The following MSMO1 variants were observed in gnomAD, a reference collection of about 807,000 sequenced individuals.
The protein encoded by MSMO1 is C-4 methylsterol oxidase.
In MSMO1, 18 loss-of-function variants were observed where a neutral mutation model predicts 30.4. The observed-to-expected ratio is 0.59, with a 90% confidence interval of 0.41 to 0.88. MSMO1 has a LOEUF of 0.88. MSMO1 is among the 40% of genes least tolerant of loss of function. The pLI is 0.00. For missense variants in MSMO1, 284 were observed against 340.5 expected (o/e 0.83, Z 1.31); for synonymous variants, 84 against 107.9 (o/e 0.78, Z 1.37).
At position 165,340,219 on chromosome 4, in the gene MSMO1, A is replaced by G. The variant is rs1256912105; in HGVS notation, c.532-2A>G. The G allele has an allele frequency of 6.2e-7, 1 of 1,613,380 alleles. No homozygotes were observed. The highest frequency in any genetic ancestry group is 8.5e-7 in the Non-Finnish European group (1 of 1,179,778). ...TAAGAATTTCTTATCTGTTTGTCTT[A>G]GGCTCCATTTGGAATGGAAGCTGAA... On this transcript the variant is annotated splice_acceptor_variant, in intron 4 of 5. Transcript: ENST00000261507. LOFTEE classifies it high-confidence loss of function.
chr4:165,334,909 C>CAACT (rs985817399), intron 2 of MSMO1, among the ~76,000 whole-genome samples: 1 of 152,140 alleles, frequency 6.6e-6, no homozygotes, highest in African/African-American at 2.4e-5. Context: ...TGGATCCAAC[C>CAACT]AACTGCAGAT....
chr4:165,329,526 A>G (rs1443803906), intron 1 of MSMO1, among the ~76,000 whole-genome samples: 4 of 146,874 alleles, frequency 2.7e-5, no homozygotes, highest in African/African-American at 1.0e-4. Context: ...GAAAGGCGGT[A>G]TTTCAAGAAG....
chr4:165,332,422 T>C (rs988385778), intron 1 of MSMO1, among the ~76,000 whole-genome samples: 1 of 152,246 alleles, frequency 6.6e-6, no homozygotes, highest in African/African-American at 2.4e-5. Flanking sequence ...GTTTTGCTTT[T>C]ATTTTTTCCT....
rs1222483698 is a variant in MSMO1, at chr4:165,341,862, A to G, written c.798A>G (p.Thr266=). 1.9e-6 allele frequency: 3 copies of G among 1,613,300 alleles called. No individual in the cohort carries two copies. The highest frequency in any genetic ancestry group is 8.5e-7 in the Non-Finnish European group (1 of 1,179,470). The change falls in exon 6 of 6, where the codon ACA becomes ACG. Residue 266 remains threonine (T), a synonymous_variant. Transcript: ENST00000261507. The part of the protein sequence containing the change: ...NFIGNYASTF[T]WWDRIFGTDS... ...TTGGAAACTATGCTTCAACATTTAC[A>G]TGGTGGGATCGAATTTTTGGAACAG...
intron 4 of MSMO1, among the ~76,000 whole-genome samples, chr4:165,339,095 G>GTTTTTTTT (rs1747642659): frequency 2.8e-5 from 1 of 36,272 alleles, no homozygotes; most frequent in Non-Finnish European, 5.2e-5. Context: ...TATGAGCACT[G>GTTTTTTTT]CTTTTTTTTT....
intron 2 of MSMO1, among the ~76,000 whole-genome samples, chr4:165,337,452 A>G (rs753967168): frequency 4.9e-4 from 75 of 152,228 alleles, no homozygotes; most frequent in Admixed American, 9.2e-4. Context: ...ACCCAACAGT[A>G]ATCTTAGCAT....
In MSMO1 at chr4:165,337,831, G is replaced by C; in HGVS notation, c.298G>C (p.Val100Leu). ...GGAAAACCAATGGAAGTGTTTCAAA[G>C]TTCTTCTCTTTAATCACTTCTGTAT... is the stretch of plus-strand genomic sequence containing the variant. Reference protein sequence around the residue: ...TWENQWKCFKVLLFNHFCIQL... With the variant: ...TWENQWKCFKLLLFNHFCIQL... Residue 100 changes from valine to leucine, a missense_variant, in exon 3 of 6, where the codon GTT (valine) becomes CTT (leucine). Val to Leu is a conservative substitution (Grantham distance 32). Coordinates refer to ENST00000261507, the MANE Select transcript of MSMO1 (RefSeq NM_006745.5). 6.2e-7 allele frequency: 1 copy of C among 1,613,530 alleles called. No homozygotes were observed. Among genetic ancestry groups the C allele is most frequent in the Non-Finnish European group, 8.5e-7 (1 of 1,179,676 alleles).
intron 3 of MSMO1, 27 bp downstream of exon 3, chr4:165,337,964 C>T (rs1414666679): frequency 1.2e-6 from 2 of 1,606,916 alleles, no homozygotes; most frequent in African/African-American, 2.7e-5. Flanking sequence ...TTGGCTTTTA[C>T]ACCCAATTGT....
At chr4:165,328,287 T>A (rs1485665704) in intron 1 of MSMO1, among the ~76,000 whole-genome samples, 4 of 152,056 alleles carry the variant, frequency 2.6e-5, no homozygotes, top group African/African-American at 9.7e-5. Context: ...GATCAGATAC[T>A]GCAAAAATGT....
intron 1 of MSMO1, among the ~76,000 whole-genome samples, chr4:165,330,108 G>A (rs1017914865): frequency 1.3e-5 from 2 of 152,150 alleles, no homozygotes; most frequent in African/African-American, 4.8e-5. Context: ...TACTTATTAT[G>A]GGTTTTATTT....
At chr4:165,332,960 T>C (rs1747440336) in intron 1 of MSMO1, among the ~76,000 whole-genome samples, 2 of 152,324 alleles carry the variant, frequency 1.3e-5, no homozygotes, top group African/African-American at 2.4e-5. Flanking sequence ...GCTTTTTCTT[T>C]ATAGGTTCTT....
chr4:165,333,295 G>T, intron 1 of MSMO1, 45 bp from the exon 2 acceptor site: 3 of 1,471,238 alleles, frequency 2.0e-6, no homozygotes, highest in Non-Finnish European at 2.8e-6. Context: ...TTTATTTTTT[G>T]AAAGCTCATT....
intron 1 of MSMO1, chr4:165,328,170 G>C (rs1275696221): frequency 6.6e-6 from 1 of 152,288 alleles, no homozygotes; most frequent in East Asian, 1.9e-4. Flanking sequence ...AAGGGCGTCC[G>C]AGAGGAGGTT....
intron 1 of MSMO1, among the ~76,000 whole-genome samples, chr4:165,331,085 C>G (rs1747376001): frequency 6.6e-6 from 1 of 152,110 alleles, no homozygotes; most frequent in South Asian, 2.1e-4. Context: ...GGGAGGATTA[C>G]TTGAGCCTAG....
intron 2 of MSMO1, among the ~76,000 whole-genome samples, chr4:165,336,148 C>A (rs1402329844): frequency 1.3e-5 from 2 of 151,416 alleles, no homozygotes; most frequent in African/African-American, 4.9e-5. Flanking sequence ...GAACAGACAA[C>A]TGGAGAGCTA....
In MSMO1 at chr4:165,331,940, C is replaced by G. The variant is rs540073007; in HGVS notation, c.-31-1400C>G. ...TATTTCCTACCCCGCCGCGCTCTGT[C>G]TTCCGTAACACTCTCCCCTACCCCG... On this transcript the variant is annotated intron_variant, in intron 1 of 5. Transcript: ENST00000261507. Among the ~76,000 whole-genome samples the G allele has an allele frequency of 2.0e-5, 3 of 147,878 alleles. No individual in the cohort carries two copies. The South Asian group carries it at 6.3e-4, about 31-fold the overall frequency.
intron 1 of MSMO1, among the ~76,000 whole-genome samples, chr4:165,331,317 A>G (rs1747383174): frequency 6.6e-6 from 1 of 152,086 alleles, no homozygotes; most frequent in Non-Finnish European, 1.5e-5. Flanking sequence ...AAAAAAGAAA[A>G]AAAAAAAGAA....
rs1380780338 is a variant in MSMO1, at chr4:165,337,945, G to C, written c.404+8G>C. The stretch of plus-strand genomic sequence containing the variant: ...GGAAAGAATGCCAAGATGGTACGTA[G>C]ATAAAAATTTGGCTTTTACACCCAA... On this transcript the variant is annotated splice_region_variant and intron_variant, in intron 3 of 5. Coordinates refer to ENST00000261507, the MANE Select transcript of MSMO1 (RefSeq NM_006745.5). 1.2e-6 allele frequency: 2 copies of C among 1,612,724 alleles called. No individual in the cohort carries two copies. The highest frequency in any genetic ancestry group is 2.7e-5 in the African/African-American group (2 of 74,868).
At chr4:165,328,732 T>C (rs962655411) in intron 1 of MSMO1, among the ~76,000 whole-genome samples, 1 of 152,252 alleles carries the variant, frequency 6.6e-6, no homozygotes, top group Non-Finnish European at 1.5e-5. Context: ...TCCCCTCTCC[T>C]CTTTAATTCC....
Sources: allele counts gnomAD v4.1 joint callset (sites outside exome capture counted in the v4.1 genomes callset), GRCh38; gene constraint gnomAD v4.1.1; transcripts MANE v1.5; gene names NCBI Gene and HGNC (gene_info 2026-07-23, HGNC 2026-07-21).